DIAPH2: variants seen among roughly 807,000 people sequenced by gnomAD.
DIAPH2 encodes the protein diaphanous related formin 2.
DIAPH2 carries 35 observed loss-of-function variants against 92.7 expected under a neutral mutation model. The ratio of observed to expected loss-of-function variants is 0.38; its 90% CI spans 0.29 to 0.50. The LOEUF is 0.50. DIAPH2 is among the 20% of genes least tolerant of loss of function. The probability of loss-of-function intolerance (pLI) is 0.94; values close to 1 mark genes in which losing one functional copy is unlikely to be tolerated. For synonymous variants in DIAPH2, 301 were observed against 280.4 expected (o/e 1.07, Z -0.73); for missense variants, 701 against 819.5 (o/e 0.86, Z 1.77).
intron 4 of DIAPH2, among the ~76,000 whole-genome samples, chrX:96,828,259 T>TA (rs1349911240): frequency 1.8e-5 from 2 of 111,518 alleles, no homozygotes; most frequent in Admixed American, 1.9e-4. Context: ...GGGCCTGTAT[T>TA]ACTAGAATTT....
At chrX:97,229,816 T>C (rs780911877) in intron 22 of DIAPH2, among the ~76,000 whole-genome samples, 176 of 74,129 alleles carry the variant, frequency 2.4e-3, no homozygotes, top group Middle Eastern at 0.013. Context: ...ATATTGTTAT[T>C]ATATATAATA....
intron 22 of DIAPH2, among the ~76,000 whole-genome samples, chrX:97,177,030 G>C: frequency 1.8e-5 from 2 of 111,484 alleles, no homozygotes; most frequent in Middle Eastern, 9.3e-3. Flanking sequence ...ATAATGACAA[G>C]AAAAATAGCC....
At chrX:97,562,327 C>T (rs189142069) in intron 26 of DIAPH2, among the ~76,000 whole-genome samples, 130 of 104,287 alleles carry the variant, frequency 1.2e-3, no homozygotes, top group African/African-American at 4.4e-3. Flanking sequence ...GAAACCCCAT[C>T]TCTACTAAAA....
intron 21 of DIAPH2, among the ~76,000 whole-genome samples, chrX:97,140,956 T>C (rs1204047640): frequency 8.9e-6 from 1 of 111,875 alleles, no homozygotes; most frequent in East Asian, 2.8e-4. Flanking sequence ...TCCTTGATTT[T>C]ATTTGCAGCT....
intron 25 of DIAPH2, among the ~76,000 whole-genome samples, chrX:97,424,353 G>C (rs7886643): frequency 0.42 from 46,679 of 109,851 alleles, 8,443 homozygotes; most frequent in Non-Finnish European, 0.56. Flanking sequence ...TGGTTCTTGG[G>C]AATGTGGGTG....
At chrX:97,329,253 C>T (rs996171486) in intron 23 of DIAPH2, among the ~76,000 whole-genome samples, 18 of 112,100 alleles carry the variant, frequency 1.6e-4, no homozygotes, top group African/African-American at 5.8e-4. Context: ...CATTTTGGCA[C>T]ATTTTGCTCT....
chrX:96,725,499 A>G (rs1465214568), intron 1 of DIAPH2, among the ~76,000 whole-genome samples: 1 of 112,370 alleles, frequency 8.9e-6, no homozygotes, highest in Non-Finnish European at 1.9e-5. Context: ...AATATTTGAT[A>G]TAATATTTAG....
At chrX:96,905,974 A>C (rs751074540) in intron 5 of DIAPH2, among the ~76,000 whole-genome samples, 1 of 111,764 alleles carries the variant, frequency 8.9e-6, no homozygotes, top group African/African-American at 3.2e-5. Context: ...CTAAAAATAC[A>C]AAAAATTAGC....
chrX:96,714,346 C>T (rs1274241652), intron 1 of DIAPH2, among the ~76,000 whole-genome samples: 1 of 99,817 alleles, frequency 1.0e-5, no homozygotes, highest in Non-Finnish European at 2.1e-5. Flanking sequence ...CTCACCGCAA[C>T]CTACACCTCC....
At chrX:97,344,362 A>G (rs1041643797) in intron 23 of DIAPH2, among the ~76,000 whole-genome samples, 1 of 112,287 alleles carries the variant, frequency 8.9e-6, no homozygotes, top group Non-Finnish European at 1.9e-5. Flanking sequence ...GTGAGCTATG[A>G]TTGTGCCACT....
At chrX:96,989,514 A>G (rs1238693459) in intron 17 of DIAPH2, among the ~76,000 whole-genome samples, 1 of 111,982 alleles carries the variant, frequency 8.9e-6, no homozygotes, top group African/African-American at 3.2e-5. Context: ...CAACTGTACT[A>G]TTTTACTGTA....
intron 26 of DIAPH2, among the ~76,000 whole-genome samples, chrX:97,582,500 G>GC (rs1278729241): frequency 9.1e-6 from 1 of 110,358 alleles, no homozygotes; most frequent in Non-Finnish European, 1.9e-5. Flanking sequence ...TTGAATACTG[G>GC]CCCCCACTCT....
chrX:97,005,462 C>T (rs1161862237), intron 17 of DIAPH2, among the ~76,000 whole-genome samples: 1 of 110,827 alleles, frequency 9.0e-6, no homozygotes, highest in African/African-American at 3.3e-5. Flanking sequence ...GCTTCAGTCT[C>T]ATTACTTGTT....
At chrX:96,865,204 C>A (rs2065097148) in intron 4 of DIAPH2, among the ~76,000 whole-genome samples, 1 of 111,641 alleles carries the variant, frequency 9.0e-6, no homozygotes. Flanking sequence ...TGTTAAGATG[C>A]CATTTTAACC....
At chrX:97,468,648 A>G (rs1422003385) in intron 26 of DIAPH2, among the ~76,000 whole-genome samples, 1 of 111,150 alleles carries the variant, frequency 9.0e-6, no homozygotes, top group African/African-American at 3.3e-5. Flanking sequence ...GAAAAAAAAA[A>G]AAAAAAACAT....
chrX:96,803,087 C>G (rs2064596230), intron 4 of DIAPH2, among the ~76,000 whole-genome samples: 1 of 111,004 alleles, frequency 9.0e-6, no homozygotes. Context: ...GAGGGTGGGT[C>G]TGCCTCTCCC....
intron 17 of DIAPH2, among the ~76,000 whole-genome samples, chrX:97,040,188 T>C (rs1269720526): frequency 9.2e-6 from 1 of 109,185 alleles, no homozygotes; most frequent in African/African-American, 3.3e-5. Context: ...TTTTTTTTTT[T>C]TTCTCCCAGA....
In DIAPH2 at chrX:97,600,644, TGTG is replaced by T. The variant is rs1476792129; in HGVS notation, c.*1330_*1332del. 3 of 112,610 alleles carry T rather than the reference TGTG, an allele frequency of 2.7e-5. No homozygotes were observed. The highest frequency in any genetic ancestry group is 9.7e-5 in the African/African-American group (3 of 30,960). 9.3% of individuals were successfully genotyped at this position (112,610 alleles called of 1,213,427 possible). Reference sequence around the variant, plus strand: ...TATTTTAAAATATGCATTGAAATAATGTGGTATAACTTCTCTGGAGTGCAATTT... The same window carrying T: ...TATTTTAAAATATGCATTGAAATAATGTATAACTTCTCTGGAGTGCAATTT... On this transcript the variant is annotated 3_prime_UTR_variant, in exon 27 of 27. Transcript: ENST00000324765.
intron 12 of DIAPH2, 104 bp downstream of exon 12, chrX:96,939,486 A>G (rs11795730): frequency 0.23 from 21,773 of 96,500 alleles, 3,385 homozygotes; most frequent in South Asian, 0.5. Flanking sequence ...ATGTGTGTGT[A>G]TGTATATATA....
Sources: allele counts gnomAD v4.1 joint callset (sites outside exome capture counted in the v4.1 genomes callset), GRCh38; gene constraint gnomAD v4.1.1; transcripts MANE v1.5; gene names NCBI Gene and HGNC (gene_info 2026-07-23, HGNC 2026-07-21).